The following TBC1D32 variants were observed in gnomAD, a reference collection of about 807,000 sequenced individuals.
The protein encoded by TBC1D32 is protein broad-minded.
A neutral mutation model predicts 170.3 loss-of-function variants in TBC1D32; 151 were observed. That is an observed-to-expected ratio of 0.89 (90% CI 0.78 to 1.01). TBC1D32 has a LOEUF of 1.01. Among genes scored for constraint, TBC1D32 ranks in the 50% least tolerant of loss-of-function variants. The pLI is 0.00. For missense variants in TBC1D32, 1,464 were observed against 1,457.1 expected (o/e 1.00, Z -0.08); for synonymous variants, 498 against 488.0 (o/e 1.02, Z -0.27).
intron 17 of TBC1D32, among the ~76,000 whole-genome samples, chr6:121,252,772 G>A (rs1386737642): frequency 1.3e-5 from 2 of 152,008 alleles, no homozygotes; most frequent in African/African-American, 4.8e-5. Flanking sequence ...TAGACCAATG[G>A]AACAGAATAG....
chr6:121,251,805 A>G (rs1453265091), intron 17 of TBC1D32, among the ~76,000 whole-genome samples: 1 of 152,208 alleles, frequency 6.6e-6, no homozygotes, highest in Admixed American at 6.5e-5. Context: ...CCATCTATCC[A>G]TCTGACAAAG....
intron 1 of TBC1D32, among the ~76,000 whole-genome samples, chr6:121,329,512 C>A (rs1307803712): frequency 1.3e-5 from 2 of 151,932 alleles, no homozygotes; most frequent in Non-Finnish European, 2.9e-5. Context: ...ATTAGCCAGG[C>A]GTGGTGGCAA....
At position 121,270,473 on chromosome 6, in the gene TBC1D32, C is replaced by G. The variant is rs183069703; in HGVS notation, c.1733+8648G>C. Among the ~76,000 whole-genome samples, 203 of 152,220 alleles carry G rather than the reference C, an allele frequency of 1.3e-3. 1 individual carries two copies. Among genetic ancestry groups the G allele is most frequent in the African/African-American group, 4.7e-3 (196 of 41,514 alleles). On this transcript the variant is annotated intron_variant, in intron 15 of 31. Coordinates refer to ENST00000398212, the MANE Select transcript of TBC1D32 (RefSeq NM_152730.6). ...AAATACAAACTACCATCAGAGAATACTATAAACACCTCTACGCAAATAAAC... is the reference window on the plus strand; with the variant it reads ...AAATACAAACTACCATCAGAGAATAGTATAAACACCTCTACGCAAATAAAC...
chr6:121,112,529 A>C lies in TBC1D32; in HGVS notation c.3300T>G (p.Leu1100=). The change falls in exon 29 of 32, where the codon CTT becomes CTG. Residue 1100 remains leucine, a synonymous_variant. Coordinates refer to ENST00000398212, the MANE Select transcript of TBC1D32 (RefSeq NM_152730.6). ...CAGAAATATGTAGCCTTGGCAACCA[A>C]AGAAAAGCAGAAGTCAGAAGCCTGG... The part of the protein sequence containing the change: ...QFSRLLTSAF[L]WLPRLHISSY... 6.2e-7 allele frequency: 1 copy of C among 1,608,114 alleles called. No individual in the cohort carries two copies. The highest frequency in any genetic ancestry group is 8.5e-7 in the Non-Finnish European group (1 of 1,176,676).
intron 3 of TBC1D32, among the ~76,000 whole-genome samples, chr6:121,311,532 A>G (rs544355608): frequency 1.3e-5 from 2 of 152,262 alleles, no homozygotes; most frequent in East Asian, 3.9e-4. Flanking sequence ...GATCTAGACC[A>G]TCCTGGCCAA....
At chr6:121,253,001 T>G (rs1302468321) in intron 17 of TBC1D32, among the ~76,000 whole-genome samples, 4 of 152,114 alleles carry the variant, frequency 2.6e-5, no homozygotes, top group Non-Finnish European at 4.4e-5. Context: ...ATCATAAAAA[T>G]TCTAGAAGAT....
chr6:121,216,205 A>G (rs1322789723), intron 21 of TBC1D32, among the ~76,000 whole-genome samples: 1 of 152,214 alleles, frequency 6.6e-6, no homozygotes, highest in African/African-American at 2.4e-5. Flanking sequence ...TGAAAAGACA[A>G]GACTGGCATA....
intron 19 of TBC1D32, 127 bp downstream of exon 19, chr6:121,241,338 G>A: frequency 1.3e-6 from 1 of 750,054 alleles, no homozygotes; most frequent in African/African-American, 1.8e-5. Context: ...TTTACATAAG[G>A]TCTAACTTAG....
chr6:121,304,050 C>T (rs1010857624), intron 8 of TBC1D32, among the ~76,000 whole-genome samples: 5 of 150,764 alleles, frequency 3.3e-5, no homozygotes, highest in African/African-American at 1.2e-4. Context: ...AGGAACTTGT[C>T]CAAAATGCAA....
chr6:121,259,934 C>T, intron 15 of TBC1D32, among the ~76,000 whole-genome samples: 1 of 152,152 alleles, frequency 6.6e-6, no homozygotes, highest in Non-Finnish European at 1.5e-5. Flanking sequence ...TAGAAGACAA[C>T]AGAGGGTATC....
In TBC1D32 at chr6:121,242,223, T is replaced by C. The variant is rs927896573; in HGVS notation, c.2135A>G (p.Asn712Ser). The C allele has an allele frequency of 2.5e-6, 4 of 1,611,770 alleles. No individual in the cohort carries two copies. The African/African-American group carries it at 4.0e-5, about 16-fold the overall frequency. ...TACCTGTAATTTTTTTGCATATCGATTGAATATAAATGTCACACATTCATT... is the reference window on the plus strand; with the variant it reads ...TACCTGTAATTTTTTTGCATATCGACTGAATATAAATGTCACACATTCATT... ...AINECVTFIF[N>S]RYAKKLQVSR... The change falls in exon 18 of 32, where the codon AAT (asparagine) becomes AGT (serine). Residue 712 changes from asparagine to serine, a missense_variant. By Grantham distance (46) the Asn-to-Ser change is conservative (BLOSUM62 1). This residue lies in a region of TBC1D32 where 1,363 missense variants were observed against 1,338.1 expected (regional missense o/e 1.02). Coordinates refer to ENST00000398212, the MANE Select transcript of TBC1D32 (RefSeq NM_152730.6).
At chr6:121,238,916 G>C (rs1796630127) in intron 20 of TBC1D32, among the ~76,000 whole-genome samples, 154 bp downstream of exon 20, 1 of 151,820 alleles carries the variant, frequency 6.6e-6, no homozygotes, top group Non-Finnish European at 1.5e-5. Context: ...AACTTATTTT[G>C]AAAATAAAAA....
At chr6:121,280,715 A>AT (rs1802869645) in intron 14 of TBC1D32, among the ~76,000 whole-genome samples, 1 of 147,972 alleles carries the variant, frequency 6.8e-6, no homozygotes, top group Admixed American at 7.1e-5. Flanking sequence ...ACTGGACTAT[A>AT]TAAGAAAGAA....
chr6:121,089,396 A>G (rs1352677616), intron 31 of TBC1D32, among the ~76,000 whole-genome samples: 1 of 152,152 alleles, frequency 6.6e-6, no homozygotes, highest in Non-Finnish European at 1.5e-5. Flanking sequence ...ATACAGACAG[A>G]TAAGAGTACA....
chr6:121,235,732 G>A (rs1796258402), intron 20 of TBC1D32, among the ~76,000 whole-genome samples: 1 of 152,178 alleles, frequency 6.6e-6, no homozygotes, highest in Admixed American at 6.5e-5. Flanking sequence ...TGAGCCTGCA[G>A]CAGTGATCCA....
At chr6:121,263,463 C>T (rs889037979) in intron 15 of TBC1D32, among the ~76,000 whole-genome samples, 2 of 152,070 alleles carry the variant, frequency 1.3e-5, no homozygotes, top group Non-Finnish European at 2.9e-5. Flanking sequence ...GACCTAAAAG[C>T]GGCTTAGACT....
At chr6:121,172,373 C>CT (rs1445350794) in intron 22 of TBC1D32, among the ~76,000 whole-genome samples, 3 of 152,116 alleles carry the variant, frequency 2.0e-5, no homozygotes, top group Non-Finnish European at 4.4e-5. Context: ...AATCAGTGTA[C>CT]TACTCCACAA....
At chr6:121,286,944 G>A (rs1002970386) in intron 12 of TBC1D32, among the ~76,000 whole-genome samples, 1 of 152,090 alleles carries the variant, frequency 6.6e-6, no homozygotes, top group African/African-American at 2.4e-5. Context: ...TTACAGACAA[G>A]CAAATGCTGA....
At chr6:121,095,052 C>G (rs187531190) in intron 30 of TBC1D32, among the ~76,000 whole-genome samples, 1 of 152,072 alleles carries the variant, frequency 6.6e-6, no homozygotes, top group East Asian at 1.9e-4. Context: ...GAAAAAAATG[C>G]TATTATCAAT....
Sources: gnomAD v4.1 joint callset for allele counts (sites outside exome capture counted in the v4.1 genomes callset) on GRCh38, gnomAD v4.1.1 for gene constraint, gnomAD v4.1.1 regional missense constraint, MANE v1.5 for transcripts, NCBI Gene and HGNC (gene_info 2026-07-23, HGNC 2026-07-21) for gene names.